The following SOBP variants were observed in gnomAD, a reference collection of about 807,000 sequenced individuals.
SOBP encodes the protein sine oculis binding protein homolog, also known as sine oculis-binding protein homolog.
Under a neutral mutation model 53.6 loss-of-function variants are expected in SOBP, and 4 were observed. That is an observed-to-expected ratio of 0.07 (90% CI 0.04 to 0.17). SOBP has a LOEUF of 0.17. Among genes scored for constraint, SOBP ranks in the 10% least tolerant of loss-of-function variants. The probability of loss-of-function intolerance (pLI) is 1.00; values close to 1 mark genes in which losing one functional copy is unlikely to be tolerated. For synonymous variants in SOBP, 584 were observed against 522.6 expected (o/e 1.12, Z -1.60); for missense variants, 1,088 against 1,204.7 (o/e 0.90, Z 1.43).
chr6:107,549,091 C>T (rs575340493), intron 4 of SOBP, among the ~76,000 whole-genome samples: 1 of 152,062 alleles, frequency 6.6e-6, no homozygotes, highest in Admixed American at 6.5e-5. Flanking sequence ...ATGGTTAAAC[C>T]CTGTCTCTAC....
intron 5 of SOBP, among the ~76,000 whole-genome samples, chr6:107,616,046 AG>A (rs1390803845): frequency 7.9e-6 from 1 of 126,090 alleles, no homozygotes; most frequent in Non-Finnish European, 1.6e-5. Flanking sequence ...GAAAAAAAAA[AG>A]AAAAAAAAAG....
intron 4 of SOBP, among the ~76,000 whole-genome samples, chr6:107,571,024 A>T (rs1785059355): frequency 6.6e-6 from 1 of 152,072 alleles, no homozygotes; most frequent in Non-Finnish European, 1.5e-5. Context: ...CATCTACCAC[A>T]CCTCTCCTGA....
chr6:107,627,079 T>G (rs1051290890), intron 5 of SOBP, among the ~76,000 whole-genome samples: 1 of 152,198 alleles, frequency 6.6e-6, no homozygotes, highest in African/African-American at 2.4e-5. Context: ...CGATTGAATT[T>G]TTTAGTTTCC....
chr6:107,506,456 A>G, intron 3 of SOBP, 29 bp downstream of exon 3: 1 of 1,610,086 alleles, frequency 6.2e-7, no homozygotes, highest in South Asian at 1.1e-5. Flanking sequence ...TTTCAGTGAT[A>G]ACAATTCATA....
Position 107,621,178 on chromosome 6 carries a change from T to A in SOBP, c.670-12336T>A, listed in dbSNP as rs938819075. The A allele has an allele frequency of 2.1e-5, 16 of 745,522 alleles. No homozygotes were observed. The African/African-American group carries it at 3.0e-4, about 14-fold the overall frequency. The allele number at this position is 745,522 out of a possible 1,614,324, so 46.2% of individuals were successfully genotyped here. A position where few individuals can be genotyped will look rare whatever the true frequency, so the allele number is the denominator to read the frequency against. On this transcript the variant is annotated intron_variant, in intron 5 of 6. Transcript: ENST00000317357. ...GGAGCTATATAAATAACAGGTGTGTTTAAATATATATGAATACCTATCTGT... is the reference window on the plus strand; with the variant it reads ...GGAGCTATATAAATAACAGGTGTGTATAAATATATATGAATACCTATCTGT...
chr6:107,535,645 T>TC (rs1783975126), intron 4 of SOBP, among the ~76,000 whole-genome samples: 1 of 150,966 alleles, frequency 6.6e-6, no homozygotes, highest in Non-Finnish European at 1.5e-5. Flanking sequence ...GTGTTTTTTT[T>TC]TTTTCCAAAT....
At chr6:107,509,728 T>C (rs1490816791) in intron 3 of SOBP, 1 of 152,122 alleles carries the variant, frequency 6.6e-6, no homozygotes, top group Non-Finnish European at 1.5e-5. Context: ...GAAATAAATA[T>C]GCGAAGGGAC....
intron 6 of SOBP, among the ~76,000 whole-genome samples, chr6:107,645,193 A>G (rs1013066380): frequency 1.3e-5 from 2 of 152,144 alleles, no homozygotes; most frequent in African/African-American, 4.8e-5. Flanking sequence ...CATAGCAATA[A>G]TAACTTTTAA....
chr6:107,490,806 G>A (rs1055978251), intron 1 of SOBP, 94 bp downstream of exon 1: 4 of 966,496 alleles, frequency 4.1e-6, no homozygotes, highest in Admixed American at 4.0e-5. Context: ...ACCGGGGCGC[G>A]CTTGTCAGTT....
chr6:107,646,682 A>G (rs1771575485), intron 6 of SOBP, among the ~76,000 whole-genome samples: 1 of 152,214 alleles, frequency 6.6e-6, no homozygotes, highest in Non-Finnish European at 1.5e-5. Flanking sequence ...TACTTTTAAG[A>G]AAGTTTGGCA....
chr6:107,656,580 C>T (rs903290022), intron 6 of SOBP, among the ~76,000 whole-genome samples: 2 of 152,186 alleles, frequency 1.3e-5, no homozygotes, highest in African/African-American at 4.8e-5. Context: ...CATTTCCTGT[C>T]GTGCACAGTG....
intron 4 of SOBP, among the ~76,000 whole-genome samples, chr6:107,583,069 C>A (rs945822743): frequency 6.6e-6 from 1 of 152,182 alleles, no homozygotes; most frequent in African/African-American, 2.4e-5. Context: ...CAAGTGGGGG[C>A]AGATGTAGAA....
chr6:107,634,764 C>A lies in SOBP; in HGVS notation c.1920C>A (p.Leu640=). 1 of 1,350,100 alleles carries A rather than the reference C, an allele frequency of 7.4e-7. No individual in the cohort carries two copies. The highest frequency in any genetic ancestry group is 1.8e-5 in the South Asian group (1 of 54,642). 83.6% of individuals were successfully genotyped at this position (1,350,100 alleles called of 1,614,324 possible). ...PPGPPGAGGQ[L]GFPGVLQGPQ... ...GCCCCCCGGGCGCGGGCGGCCAGCTCGGCTTCCCAGGCGTGCTGCAGGGCC... is the reference window on the plus strand; with the variant it reads ...GCCCCCCGGGCGCGGGCGGCCAGCTAGGCTTCCCAGGCGTGCTGCAGGGCC... Residue 640 remains leucine, a synonymous_variant, in exon 6 of 7, where the codon CTC becomes CTA. Transcript: ENST00000317357. This position sits in a 1 kb window ranked among gnomAD's most constrained non-coding sequence, Gnocchi z 4.5.
Position 107,536,347 on chromosome 6 carries a change from A to C in SOBP, c.573+2737A>C, listed in dbSNP as rs6904503. Among the ~76,000 whole-genome samples the C allele has an allele frequency of 2.2e-3, 337 of 152,332 alleles. 1 individual carries two copies. The highest frequency in any genetic ancestry group is 7.6e-3 in the African/African-American group (318 of 41,574). On this transcript the variant is annotated intron_variant, in intron 4 of 6. Transcript: ENST00000317357. ...TGTTTTGTGTCTGAGCAACACCTGC[A>C]TTTGTGAATGTAAATTGGACAGCTG...
chr6:107,654,215 G>T lies in SOBP; in HGVS notation c.*4-3992G>T, dbSNP rs190493465. ...GGAGACCATGCCTTGTGGTGCCAGC[G>T]TGTGTGTATGGTACATACATAGTAC... On this transcript the variant is annotated intron_variant, in intron 6 of 6. Coordinates refer to ENST00000317357, the MANE Select transcript of SOBP (RefSeq NM_018013.4). Among the ~76,000 whole-genome samples, 322 of 152,332 alleles carry T rather than the reference G, an allele frequency of 2.1e-3. 4 individuals carry two copies. The highest frequency in any genetic ancestry group is 2.3e-3 in the Non-Finnish European group (154 of 68,040).
intron 4 of SOBP, among the ~76,000 whole-genome samples, chr6:107,563,140 C>T (rs1273644143): frequency 4.6e-5 from 7 of 151,736 alleles, no homozygotes; most frequent in Non-Finnish European, 1.0e-4. Flanking sequence ...GCCTGTAGTC[C>T]CAGCTACTTG....
At chr6:107,498,301 T>G (rs865822807) in intron 1 of SOBP, among the ~76,000 whole-genome samples, 1 of 152,222 alleles carries the variant, frequency 6.6e-6, no homozygotes, top group Non-Finnish European at 1.5e-5. Context: ...CTTTGAATAC[T>G]TCCTGCTGTC....
intron 5 of SOBP, among the ~76,000 whole-genome samples, chr6:107,616,104 G>A (rs1417137277): frequency 2.8e-5 from 4 of 144,612 alleles, no homozygotes; most frequent in African/African-American, 1.1e-4. Flanking sequence ...GCGGGGGGGC[G>A]GCTTCAGCCA....
At chr6:107,568,994 C>T (rs1437055981) in intron 4 of SOBP, among the ~76,000 whole-genome samples, 1 of 151,914 alleles carries the variant, frequency 6.6e-6, no homozygotes, top group Non-Finnish European at 1.5e-5. Context: ...ATTTTTATAC[C>T]ACTCTTCTTA....
Sources: allele counts gnomAD v4.1 joint callset (sites outside exome capture counted in the v4.1 genomes callset), GRCh38; gene constraint gnomAD v4.1.1; non-coding constraint Gnocchi (gnomAD v3.1); transcripts MANE v1.5; gene names NCBI Gene and HGNC (gene_info 2026-07-23, HGNC 2026-07-21).